TMEM266: variants seen among roughly 807,000 people sequenced by gnomAD.
The protein encoded by TMEM266 is Hv1 related protein 1.
Under a neutral mutation model 50.5 loss-of-function variants are expected in TMEM266, and 33 were observed. The observed-to-expected ratio is 0.65, with a 90% CI of 0.50 to 0.87. TMEM266 has a LOEUF of 0.87. Among genes scored for constraint, TMEM266 ranks in the 40% least tolerant of loss-of-function variants. TMEM266 has a pLI of 0.00. For missense variants in TMEM266, 655 were observed against 695.1 expected (o/e 0.94, Z 0.65); for synonymous variants, 310 against 292.3 (o/e 1.06, Z -0.62).
At position 76,084,263 on chromosome 15, in the gene TMEM266, G is replaced by C. The variant is rs939937752; in HGVS notation, c.-97+24247G>C. ...CAGAAGTTAGAGGCTACAATGAGCT[G>C]AGATTGCACCACTGCTCTCCAGCCT... On this transcript the variant is annotated intron_variant, in intron 1 of 10. Coordinates refer to ENST00000388942, the MANE Select transcript of TMEM266 (RefSeq NM_152335.3). Among the ~76,000 whole-genome samples the C allele has an allele frequency of 3.3e-5, 5 of 152,226 alleles. 1 individual carries two copies. Among genetic ancestry groups the C allele is most frequent in the South Asian group, 2.1e-4 (1 of 4,816 alleles).
At chr15:76,099,670 A>G (rs2036972061) in intron 1 of TMEM266, among the ~76,000 whole-genome samples, 1 of 152,178 alleles carries the variant, frequency 6.6e-6, no homozygotes, top group Non-Finnish European at 1.5e-5. Flanking sequence ...CAGGCCCCAG[A>G]ATGTACGGGT....
chr15:76,091,268 G>C (rs1452481516), intron 1 of TMEM266, among the ~76,000 whole-genome samples: 1 of 152,106 alleles, frequency 6.6e-6, no homozygotes, highest in Non-Finnish European at 1.5e-5. Context: ...ATTACTTGAG[G>C]GTGTACTCCA....
chr15:76,070,627 G>C (rs910065219), intron 1 of TMEM266, among the ~76,000 whole-genome samples: 1 of 152,298 alleles, frequency 6.6e-6, no homozygotes, highest in South Asian at 2.1e-4. Flanking sequence ...CCCACTCCCA[G>C]TCAACACTGC....
chr15:76,182,193 C>G (rs2038422169), intron 8 of TMEM266, among the ~76,000 whole-genome samples: 1 of 152,168 alleles, frequency 6.6e-6, no homozygotes, highest in Admixed American at 6.5e-5. Flanking sequence ...AGATTCAAAC[C>G]TCAGCCCCAC....
intron 1 of TMEM266, among the ~76,000 whole-genome samples, chr15:76,111,664 TC>T (rs1477209328): frequency 6.6e-6 from 1 of 152,192 alleles, no homozygotes; most frequent in Admixed American, 6.5e-5. Flanking sequence ...CGCCTCAGCC[TC>T]CCAAAGTGCT....
intron 1 of TMEM266, among the ~76,000 whole-genome samples, chr15:76,077,031 C>G (rs1490591291): frequency 6.6e-6 from 1 of 151,968 alleles, no homozygotes; most frequent in Non-Finnish European, 1.5e-5. Flanking sequence ...GTGGCACAAT[C>G]TTGGCTCACT....
intron 8 of TMEM266, among the ~76,000 whole-genome samples, chr15:76,186,755 C>T (rs1402948378): frequency 1.3e-5 from 2 of 152,238 alleles, no homozygotes; most frequent in Non-Finnish European, 2.9e-5. Context: ...CTGCGGTCAG[C>T]ATGGTCCTTT....
intron 1 of TMEM266, among the ~76,000 whole-genome samples, chr15:76,133,131 C>CATAA (rs59597148): frequency 0.093 from 13,820 of 148,620 alleles, 947 homozygotes; most frequent in Admixed American, 0.21. Flanking sequence ...CCTGTCTAAA[C>CATAA]ATAAATAAAT....
chr15:76,072,756 G>T (rs2036555909), intron 1 of TMEM266, among the ~76,000 whole-genome samples: 1 of 151,642 alleles, frequency 6.6e-6, no homozygotes, highest in Non-Finnish European at 1.5e-5. Flanking sequence ...TCCTGCCTCA[G>T]CCTCCTGGGT....
intron 8 of TMEM266, among the ~76,000 whole-genome samples, chr15:76,177,403 C>G (rs2038302979): frequency 6.6e-6 from 1 of 152,216 alleles, no homozygotes; most frequent in African/African-American, 2.4e-5. Flanking sequence ...CAGCCTCTCA[C>G]AGTTTTGGGG....
chr15:76,169,975 G>A lies in TMEM266; in HGVS notation c.513+103G>A, dbSNP rs993255161. 3 of 1,263,590 alleles carry A rather than the reference G, an allele frequency of 2.4e-6. No individual in the cohort carries two copies. The African/African-American group carries it at 4.4e-5, about 19-fold the overall frequency. 78.3% of individuals were successfully genotyped at this position (1,263,590 alleles called of 1,614,324 possible). ...AGGGTGGACACCATCAAGAAGGCTG[G>A]TTCCTTCTCCCACTTGACCTCTGTG... On this transcript the variant is annotated intron_variant, in intron 6 of 10. Coordinates refer to ENST00000388942, the MANE Select transcript of TMEM266 (RefSeq NM_152335.3).
chr15:76,181,067 C>A (rs1451170516), intron 8 of TMEM266: 2 of 152,272 alleles, frequency 1.3e-5, no homozygotes, highest in Non-Finnish European at 2.9e-5. Context: ...GGCCCACATG[C>A]AAGGTGCTCC....
chr15:76,167,526 CA>C (rs1254052015), intron 5 of TMEM266, among the ~76,000 whole-genome samples: 1 of 150,754 alleles, frequency 6.6e-6, no homozygotes, highest in Non-Finnish European at 1.5e-5. Context: ...GTTTTGGAGA[CA>C]GGGTCTCTCT....
chr15:76,169,339 C>T (rs1279790809), intron 5 of TMEM266, among the ~76,000 whole-genome samples: 6 of 151,806 alleles, frequency 4.0e-5, no homozygotes, highest in Non-Finnish European at 5.9e-5. Context: ...GATTTGGGGT[C>T]GGGGAGTGGA....
At chr15:76,092,065 T>C (rs373747669) in intron 1 of TMEM266, among the ~76,000 whole-genome samples, 1 of 152,092 alleles carries the variant, frequency 6.6e-6, no homozygotes, top group East Asian at 1.9e-4. Flanking sequence ...GGCTAAAATA[T>C]AGTATCATGT....
At chr15:76,171,491 T>A (rs2038187990) in intron 7 of TMEM266, among the ~76,000 whole-genome samples, 2 of 152,216 alleles carry the variant, frequency 1.3e-5, no homozygotes, top group African/African-American at 4.8e-5. Flanking sequence ...GATGCACACC[T>A]GCTGCTGGCT....
At chr15:76,146,696 A>C (rs948197329) in intron 3 of TMEM266, among the ~76,000 whole-genome samples, 2 of 152,224 alleles carry the variant, frequency 1.3e-5, no homozygotes, top group Non-Finnish European at 2.9e-5. Flanking sequence ...GGGACAAAGA[A>C]AAAGGAGGGG....
At chr15:76,091,085 G>A (rs1307243666) in intron 1 of TMEM266, among the ~76,000 whole-genome samples, 1 of 152,092 alleles carries the variant, frequency 6.6e-6, no homozygotes. Flanking sequence ...TGTCCACTGG[G>A]TTTGGTAATT....
At chr15:76,121,365 A>G (rs1250215364) in intron 1 of TMEM266, among the ~76,000 whole-genome samples, 2 of 152,148 alleles carry the variant, frequency 1.3e-5, no homozygotes, top group Admixed American at 6.6e-5. Context: ...TCATACAACA[A>G]ACCACCCTAA....
Sources: allele counts gnomAD v4.1 joint callset (sites outside exome capture counted in the v4.1 genomes callset), GRCh38; gene constraint gnomAD v4.1.1; transcripts MANE v1.5; gene names NCBI Gene and HGNC (gene_info 2026-07-23, HGNC 2026-07-21).